The following HK1 variants were observed in gnomAD, a reference collection of about 807,000 sequenced individuals.
The protein encoded by HK1 is hexokinase 1, also known as hexokinase-1.
Under a neutral mutation model 91.6 loss-of-function variants are expected in HK1, and 28 were observed. The observed-to-expected ratio is 0.31, with a 90% confidence interval of 0.23 to 0.42. The LOEUF (loss-of-function observed/expected upper bound fraction) is 0.42, where lower values mean the gene tolerates loss of function less well. Ranked by LOEUF, HK1 falls within the 10% of genes least tolerant of loss-of-function variation. HK1 has a pLI of 1.00. For missense variants in HK1, 770 were observed against 1,219.8 expected, an observed-to-expected ratio of 0.63 and a Z score of 5.49; for synonymous variants, 430 against 468.1, an observed-to-expected ratio of 0.92 and a Z score of 1.05.
At chr10:69,298,133 C>T (rs949219336) in intron 4 of HK1, among the ~76,000 whole-genome samples, 7 of 151,160 alleles carry the variant, frequency 4.6e-5, no homozygotes, top group Non-Finnish European at 8.8e-5. Flanking sequence ...AATGCTTGAA[C>T]CCAGGAGGCG....
intron 15 of HK1, 130 bp from the exon 16 acceptor site, chr10:69,394,820 G>T: frequency 1.1e-6 from 1 of 898,016 alleles, no homozygotes. Context: ...GCAGAGCACA[G>T]GGCTGGGCAC....
intron 1 of HK1, among the ~76,000 whole-genome samples, chr10:69,324,617 G>T (rs1432613646): frequency 6.6e-6 from 1 of 152,206 alleles, no homozygotes; most frequent in South Asian, 2.1e-4. Flanking sequence ...AGTATTTGCT[G>T]TGTTATATGT....
intron 1 of HK1, among the ~76,000 whole-genome samples, chr10:69,277,997 C>T (rs1844553531): frequency 6.6e-6 from 1 of 151,654 alleles, no homozygotes; most frequent in Non-Finnish European, 1.5e-5. Flanking sequence ...TGTGCCATTG[C>T]ACTCCAGCTT....
Position 69,384,914 on chromosome 10 carries a change from C to T in HK1, c.1838C>T (p.Ala613Val), listed in dbSNP as rs554507867. The change falls in exon 12 of 18, where the codon GCG (alanine) becomes GTG (valine). Residue 613 changes from alanine to valine, a missense_variant and splice_region_variant. Around this residue, in one of 7 missense-constraint regions of HK1, gnomAD observed 152 missense variants for 211.1 expected, o/e 0.72. Coordinates refer to ENST00000359426, the MANE Select transcript of HK1 (RefSeq NM_000188.3). ...CCCTGCCAGCAGACGAGTCTGGACG[C>T]GGTGAGTCTCTGTTCTTAGGGCTCA... ...SFPCQQTSLD[A>V]GILITWTKGF... 5.3e-5 allele frequency: 86 copies of T among 1,614,162 alleles called. 2 individuals are homozygous for T. In the South Asian group the frequency reaches 7.8e-4, roughly 15 times the overall value.
chr10:69,347,366 T>C lies in HK1; in HGVS notation c.226+3377T>C, dbSNP rs374421654. On this transcript the variant is annotated intron_variant, in intron 2 of 17. Coordinates refer to ENST00000359426, the MANE Select transcript of HK1 (RefSeq NM_000188.3). ...GAGACAGGGAACAGTAAATGATTAC[T>C]AGGGAGAATGAAGATATCAGGGAAC... Among the ~76,000 whole-genome samples, 18 of 151,590 alleles carry C rather than the reference T, an allele frequency of 1.2e-4. No homozygotes were observed. The East Asian group carries it at 1.4e-3, about 11-fold the overall frequency.
At chr10:69,340,345 G>T (rs1564524887) in intron 1 of HK1, among the ~76,000 whole-genome samples, 1 of 152,168 alleles carries the variant, frequency 6.6e-6, no homozygotes, top group East Asian at 1.9e-4. Context: ...TACCTCCTGG[G>T]TTCACGCGAT....
At chr10:69,329,596 T>C (rs1589494090) in intron 1 of HK1, among the ~76,000 whole-genome samples, 1 of 152,290 alleles carries the variant, frequency 6.6e-6, no homozygotes, top group Middle Eastern at 3.4e-3. Flanking sequence ...AGGTGGTGAA[T>C]TGACTTTCTG....
chr10:69,399,732 G>A (rs568161602), intron 17 of HK1, among the ~76,000 whole-genome samples: 24 of 152,072 alleles, frequency 1.6e-4, no homozygotes, highest in Non-Finnish European at 3.5e-4. Context: ...CTCACCTTAT[G>A]AATAGGGTGA....
At chr10:69,393,352 G>C (rs1030131289) in intron 15 of HK1, among the ~76,000 whole-genome samples, 4 of 149,084 alleles carry the variant, frequency 2.7e-5, no homozygotes, top group African/African-American at 7.5e-5. Flanking sequence ...GTCCAGGCTA[G>C]AGTGCAGTGG....
intron 1 of HK1, among the ~76,000 whole-genome samples, chr10:69,320,006 T>G (rs1846913515): frequency 6.6e-6 from 1 of 152,112 alleles, no homozygotes; most frequent in Admixed American, 6.5e-5. Context: ...GACTTTGGCG[T>G]TCAGACAGGT....
intron 1 of HK1, among the ~76,000 whole-genome samples, chr10:69,273,993 G>T (rs1844315309): frequency 6.6e-6 from 1 of 151,392 alleles, no homozygotes; most frequent in Non-Finnish European, 1.5e-5. Flanking sequence ...CTACTTCTTT[G>T]CATTTTTTTT....
chr10:69,297,475 A>C (rs941857847), intron 4 of HK1, among the ~76,000 whole-genome samples: 4 of 152,184 alleles, frequency 2.6e-5, no homozygotes, highest in African/African-American at 9.6e-5. Flanking sequence ...AACTTTTTAA[A>C]GACAAATCAA....
chr10:69,299,448 C>A (rs1047417263), intron 4 of HK1, among the ~76,000 whole-genome samples: 1 of 151,192 alleles, frequency 6.6e-6, no homozygotes, highest in Non-Finnish European at 1.5e-5. Flanking sequence ...GCTCCTGCAA[C>A]CTTCGCCTCC....
rs1840384024 is a variant in HK1, at chr10:69,401,390, G to A, written c.*255G>A. 7 of 577,224 alleles carry A rather than the reference G, an allele frequency of 1.2e-5. No individual in the cohort carries two copies. Among genetic ancestry groups the A allele is most frequent in the Middle Eastern group, 2.9e-4 (1 of 3,474 alleles). The allele number at this position is 577,224 out of a possible 1,614,324, so 35.8% of individuals were successfully genotyped here. A position where few individuals can be genotyped will look rare whatever the true frequency, so the allele number is the denominator to read the frequency against. On this transcript the variant is annotated 3_prime_UTR_variant, in exon 18 of 18. Coordinates refer to ENST00000359426, the MANE Select transcript of HK1 (RefSeq NM_000188.3). ...GTTTGATTTTGACCTGGTCCCCCAC[G>A]TGTGAAGTGTAGTGGCATCCATTTC...
At chr10:69,357,891 A>T (rs1180205436) in intron 2 of HK1, among the ~76,000 whole-genome samples, 1 of 152,194 alleles carries the variant, frequency 6.6e-6, no homozygotes, top group Non-Finnish European at 1.5e-5. Context: ...TTTCTTTTTG[A>T]AATAATGAAA....
At chr10:69,398,893 AG>A in intron 17 of HK1, 65 bp downstream of exon 17, 1 of 1,308,532 alleles carries the variant, frequency 7.6e-7, no homozygotes, top group East Asian at 2.3e-5. Context: ...AGGGGGTATC[AG>A]GGTGTGGTTT....
intron 5 of HK1, among the ~76,000 whole-genome samples, chr10:69,309,975 G>A (rs574973308): frequency 7.4e-5 from 11 of 147,982 alleles, no homozygotes; most frequent in Non-Finnish European, 1.5e-4. Context: ...GCTTGAACCC[G>A]GGAGGCGGAG....
At chr10:69,289,461 ATTTTT>A (rs67564699) in intron 3 of HK1, among the ~76,000 whole-genome samples, 2 of 112,786 alleles carry the variant, frequency 1.8e-5, no homozygotes, top group African/African-American at 7.8e-5. Flanking sequence ...AAAAAAAAAA[ATTTTT>A]TTTTTTTTTT....
chr10:69,316,161 A>G (rs1846630945), upstream of HK1: 1 of 778,384 alleles, frequency 1.3e-6, no homozygotes, highest in South Asian at 1.4e-5. Flanking sequence ...GGGGCAGAGG[A>G]TGGTGGGAAG....
Sources: gnomAD v4.1 joint callset for allele counts (sites outside exome capture counted in the v4.1 genomes callset) on GRCh38, gnomAD v4.1.1 for gene constraint, gnomAD v4.1.1 regional missense constraint, MANE v1.5 for transcripts, NCBI Gene and HGNC (gene_info 2026-07-23, HGNC 2026-07-21) for gene names.